Variants in BTNL8 observed in about 807,000 individuals in gnomAD.
BTNL8 encodes butyrophilin like 8, also known as butyrophilin-like protein 8.
In BTNL8, 22 loss-of-function variants were observed where a neutral mutation model predicts 36.1. The observed-to-expected ratio is 0.61, with a 90% CI of 0.44 to 0.87. BTNL8 has a LOEUF of 0.87. Ranked by LOEUF, BTNL8 falls within the 40% of genes least tolerant of loss-of-function variation. BTNL8 has a pLI of 0.00. For missense variants in BTNL8, 526 were observed against 616.9 expected (o/e 0.85, Z 1.56); for synonymous variants, 203 against 235.6 (o/e 0.86, Z 1.27).
chr5:180,916,880 A>T (rs990125107), intron 3 of BTNL8, among the ~76,000 whole-genome samples: 1 of 152,258 alleles, frequency 6.6e-6, no homozygotes, highest in Admixed American at 6.5e-5. Context: ...GAAATTTTTC[A>T]TTCAATATTT....
At chr5:180,939,202 C>T (rs1000896215) in intron 3 of BTNL8, among the ~76,000 whole-genome samples, 25 of 152,056 alleles carry the variant, frequency 1.6e-4, no homozygotes, top group African/African-American at 6.0e-4. Context: ...ATCAACAATA[C>T]CCTTGAATGT....
intron 2 of BTNL8, among the ~76,000 whole-genome samples, chr5:180,909,292 A>C (rs543005193): frequency 6.6e-6 from 1 of 152,276 alleles, no homozygotes; most frequent in African/African-American, 2.4e-5. Context: ...TGACCTTTTG[A>C]GATTGACTTT....
chr5:180,947,697 C>T (rs748197859), intron 4 of BTNL8, 72 bp downstream of exon 4: 2 of 1,614,196 alleles, frequency 1.2e-6, no homozygotes, highest in Non-Finnish European at 1.7e-6. Context: ...AGAGATGCTC[C>T]CACATCCAGC....
In BTNL8 at chr5:180,949,372, C is replaced by CG. The variant is rs1759438760; in HGVS notation, c.862+107_862+108insG. On this transcript the variant is annotated intron_variant, in intron 7 of 7. Coordinates refer to ENST00000340184, the MANE Select transcript of BTNL8 (RefSeq NM_001040462.3). Reference sequence around the variant, plus strand: ...AACACAGAGTGATGCTGAGACCCATCCTGCCTGCAGATGGAGAAACTGGAT... The same window carrying CG: ...AACACAGAGTGATGCTGAGACCCATCGCTGCCTGCAGATGGAGAAACTGGAT... The CG allele has an allele frequency of 6.4e-6, 9 of 1,405,394 alleles. 2 individuals are homozygous for CG. Among genetic ancestry groups the CG allele is most frequent in the Non-Finnish European group, 8.9e-6 (9 of 1,016,832 alleles). 87.1% of individuals were successfully genotyped at this position (1,405,394 alleles called of 1,614,324 possible).
intron 2 of BTNL8, chr5:180,909,645 T>A (rs1757294389): frequency 1.1e-6 from 1 of 936,808 alleles, no homozygotes; most frequent in Non-Finnish European, 1.3e-6. Context: ...CTTGAGAGGC[T>A]GAGACAGGAG....
intron 3 of BTNL8, among the ~76,000 whole-genome samples, chr5:180,922,081 T>C (rs988539699): frequency 6.6e-6 from 1 of 152,058 alleles, no homozygotes; most frequent in Non-Finnish European, 1.5e-5. Context: ...GGATATTTTT[T>C]TCTCTTTTCT....
chr5:180,932,837 C>A (rs945750575), intron 3 of BTNL8, among the ~76,000 whole-genome samples: 1 of 152,060 alleles, frequency 6.6e-6, no homozygotes, highest in Admixed American at 6.5e-5. Flanking sequence ...CTATAAATAA[C>A]CTTGAATGTA....
intron 1 of BTNL8, among the ~76,000 whole-genome samples, chr5:180,907,638 C>T (rs1382920799): frequency 1.3e-5 from 2 of 150,792 alleles, no homozygotes; most frequent in African/African-American, 4.9e-5. Context: ...TCTGTTTTTT[C>T]CCCATCTTTG....
intron 3 of BTNL8, among the ~76,000 whole-genome samples, chr5:180,945,147 T>C (rs892763851): frequency 4.6e-5 from 7 of 152,168 alleles, no homozygotes; most frequent in African/African-American, 1.4e-4. Context: ...GATGGAAAGT[T>C]TGGAAGTACG....
At chr5:180,947,876 G>C in intron 4 of BTNL8, 1 of 1,347,954 alleles carries the variant, frequency 7.4e-7, no homozygotes, top group Non-Finnish European at 1.0e-6. Flanking sequence ...AGTACCTATA[G>C]AGAGAGCTTG....
At position 180,908,878 on chromosome 5, in the gene BTNL8, C is replaced by G. The variant is rs982188212; in HGVS notation, c.342C>G (p.Cys114Trp). 1 of 1,614,158 alleles carries G rather than the reference C, an allele frequency of 6.2e-7. No homozygotes were observed. The highest frequency in any genetic ancestry group is 8.5e-7 in the Non-Finnish European group (1 of 1,180,034). The change falls in exon 2 of 8, where the codon TGC becomes TGG. Residue 114 changes from cysteine (C) to tryptophan (W), a missense_variant. Physicochemically the swap from Cys to Trp is radical, Grantham distance 215. Around this residue, in one of 2 missense-constraint regions of BTNL8, gnomAD observed 350 missense variants for 324.6 expected, o/e 1.08. Transcript: ENST00000340184. ...ITVLDAGLYG[C>W]RISSQSYYQK... ...TGTTGGATGCTGGCCTCTATGGGTG[C>G]AGGATTAGTTCCCAGTCTTACTACC...
At position 180,935,590 on chromosome 5, in the gene BTNL8, G is replaced by T. The variant is rs1461441778; in HGVS notation, c.674-11922G>T. Among the ~76,000 whole-genome samples, 1 of 152,230 alleles carries T rather than the reference G, an allele frequency of 6.6e-6. No individual in the cohort carries two copies. The highest frequency in any genetic ancestry group is 2.4e-5 in the African/African-American group (1 of 41,462). ...GAAGCAGGCACTTCTGAGCCTGCAG[G>T]GGCAGAGAGGGTTTCCAGGGCCCCG... On this transcript the variant is annotated intron_variant, in intron 3 of 7. Coordinates refer to ENST00000340184, the MANE Select transcript of BTNL8 (RefSeq NM_001040462.3). The surrounding 1 kb of genome is among the most constrained non-coding windows in gnomAD (Gnocchi z 4.8).
Position 180,935,919 on chromosome 5 carries a change from CT to C in BTNL8, c.674-11580del, listed in dbSNP as rs199999371. Among the ~76,000 whole-genome samples, 449 of 146,514 alleles carry C rather than the reference CT, an allele frequency of 3.1e-3. No individual in the cohort carries two copies. The highest frequency in any genetic ancestry group is 0.014 in the Middle Eastern group (4 of 284). On this transcript the variant is annotated intron_variant, in intron 3 of 7. Coordinates refer to ENST00000340184, the MANE Select transcript of BTNL8 (RefSeq NM_001040462.3). This position sits in a 1 kb window ranked among gnomAD's most constrained non-coding sequence, Gnocchi z 4.8. ...AATACAAGAATGCCCATTCTTATAA[CT>C]TTTTTTTTTTTTGGTGTCTTGCTCT...
intron 1 of BTNL8, among the ~76,000 whole-genome samples, chr5:180,907,556 T>C (rs1027871140): frequency 2.0e-5 from 3 of 147,568 alleles, no homozygotes; most frequent in African/African-American, 7.8e-5. Flanking sequence ...CTTTGTTCCG[T>C]TGCTGGTGAG....
At chr5:180,931,989 C>T (rs1758410571) in intron 3 of BTNL8, among the ~76,000 whole-genome samples, 1 of 152,190 alleles carries the variant, frequency 6.6e-6, no homozygotes, top group Non-Finnish European at 1.5e-5. Context: ...AATCATTCTA[C>T]TATAAAGACA....
chr5:180,909,576 CA>C (rs758425487), intron 2 of BTNL8: 50 of 985,210 alleles, frequency 5.1e-5, no homozygotes, highest in Non-Finnish European at 6.0e-5. Flanking sequence ...TCACACCCTT[CA>C]CAGTGAAATG....
At chr5:180,918,614 T>C (rs531837114) in intron 3 of BTNL8, among the ~76,000 whole-genome samples, 39 of 152,210 alleles carry the variant, frequency 2.6e-4, no homozygotes, top group Non-Finnish European at 4.0e-4. Flanking sequence ...GCCCAAGGCA[T>C]AGTCTCAACA....
chr5:180,916,350 A>G (rs1356340813), intron 3 of BTNL8, among the ~76,000 whole-genome samples: 1 of 152,086 alleles, frequency 6.6e-6, no homozygotes, highest in African/African-American at 2.4e-5. Flanking sequence ...CTAAAAGTTT[A>G]TAGCTATAAA....
chr5:180,899,596 A>G (rs532911847), intron 1 of BTNL8, among the ~76,000 whole-genome samples: 2 of 152,332 alleles, frequency 1.3e-5, no homozygotes, highest in African/African-American at 4.8e-5. Context: ...TAACGTGTTA[A>G]GGTGAATAAA....
Sources: gnomAD v4.1 joint callset for allele counts (sites outside exome capture counted in the v4.1 genomes callset) on GRCh38, gnomAD v4.1.1 for gene constraint, gnomAD v4.1.1 regional missense constraint, Gnocchi (gnomAD v3.1) non-coding constraint, MANE v1.5 for transcripts, NCBI Gene and HGNC (gene_info 2026-07-23, HGNC 2026-07-21) for gene names.